Variants in MAN1A2 observed in about 807,000 individuals in gnomAD.
MAN1A2 encodes the protein mannosidase alpha class 1A member 2, also known as mannosyl-oligosaccharide 1,2-alpha-mannosidase IB.
A neutral mutation model predicts 75.7 loss-of-function variants in MAN1A2; 26 were observed. That is an observed-to-expected ratio of 0.34 (90% CI 0.25 to 0.48). The LOEUF is 0.48. MAN1A2 is among the 20% of genes least tolerant of loss of function. The probability of loss-of-function intolerance (pLI) is 0.99; values close to 1 mark genes in which losing one functional copy is unlikely to be tolerated. For missense variants in MAN1A2, 562 were observed against 775.5 expected, an observed-to-expected ratio of 0.72 and a Z score of 3.27; for synonymous variants, 247 against 264.6, an observed-to-expected ratio of 0.93 and a Z score of 0.65.
intron 5 of MAN1A2, among the ~76,000 whole-genome samples, chr1:117,432,633 C>CA (rs1254300728): frequency 1.3e-5 from 2 of 152,020 alleles, no homozygotes; most frequent in African/African-American, 4.8e-5. Context: ...AGCTATTTCA[C>CA]AAAATTAACT....
At chr1:117,487,402 G>T (rs758703974) in intron 8 of MAN1A2, among the ~76,000 whole-genome samples, 2 of 151,976 alleles carry the variant, frequency 1.3e-5, no homozygotes, top group Non-Finnish European at 2.9e-5. Context: ...TAACATGGTT[G>T]ATAGGCTAGG....
chr1:117,386,810 T>C (rs531650640), intron 1 of MAN1A2, among the ~76,000 whole-genome samples: 31 of 80,796 alleles, frequency 3.8e-4, no homozygotes, highest in African/African-American at 1.7e-3. Flanking sequence ...CACACACCTA[T>C]ATTTCCACGT....
intron 3 of MAN1A2, among the ~76,000 whole-genome samples, chr1:117,409,587 G>C (rs1647741028): frequency 6.6e-6 from 1 of 152,036 alleles, no homozygotes; most frequent in Admixed American, 6.6e-5. Context: ...GATCCCATTG[G>C]TTAATGGGGT....
In MAN1A2 at chr1:117,526,880, C is replaced by CTCTCTCTCTCTCTCTATATATA; in HGVS notation, c.*3924_*3925insCTCTCTCTCTCTCTATATATAT. ...TCTCTCTCTCTCTCTCTCTCTCTCT[C>CTCTCTCTCTCTCTCTATATATA]TATATATATATATATATATATATAT... is the stretch of plus-strand genomic sequence containing the variant. On this transcript the variant is annotated 3_prime_UTR_variant, in exon 13 of 13. Coordinates refer to ENST00000356554, the MANE Select transcript of MAN1A2 (RefSeq NM_006699.5). The CTCTCTCTCTCTCTCTATATATA allele has an allele frequency of 2.0e-4, 11 of 54,510 alleles. No homozygotes were observed. The highest frequency in any genetic ancestry group is 4.8e-4 in the Admixed American group (2 of 4,176). 3.4% of individuals were successfully genotyped at this position (54,510 alleles called of 1,614,324 possible).
At chr1:117,438,155 G>A (rs1648905977) in intron 5 of MAN1A2, among the ~76,000 whole-genome samples, 1 of 152,160 alleles carries the variant, frequency 6.6e-6, no homozygotes, top group Admixed American at 6.6e-5. Flanking sequence ...AATTATAATG[G>A]AGCTGCAAAA....
In MAN1A2 at chr1:117,442,263, G is replaced by A; in HGVS notation, c.888G>A (p.Glu296=). Residue 296 remains glutamate (E), a synonymous_variant, in exon 6 of 13, where the codon GAG becomes GAA. Coordinates refer to ENST00000356554, the MANE Select transcript of MAN1A2 (RefSeq NM_006699.5). ...AGATTAAAGCAGTGCAATTGGCTGA[G>A]AAACTCCTTCCTGCCTTTAACACAC... is the stretch of plus-strand genomic sequence containing the variant. The part of the protein sequence containing the change: ...IFKIKAVQLA[E]KLLPAFNTPT... 6.2e-7 allele frequency: 1 copy of A among 1,612,150 alleles called. No homozygotes were observed.
At chr1:117,430,962 C>T (rs1382334350) in intron 5 of MAN1A2, among the ~76,000 whole-genome samples, 3 of 136,218 alleles carry the variant, frequency 2.2e-5, no homozygotes, top group African/African-American at 8.3e-5. Context: ...AATCCCGGCA[C>T]CTCGGGAGGC....
chr1:117,484,938 C>T (rs776659457), intron 8 of MAN1A2, among the ~76,000 whole-genome samples: 8 of 151,838 alleles, frequency 5.3e-5, no homozygotes, highest in Non-Finnish European at 2.9e-5. Flanking sequence ...CACATTGTTG[C>T]AAATCTTAAA....
intron 5 of MAN1A2, among the ~76,000 whole-genome samples, chr1:117,441,426 T>C (rs1349455805): frequency 6.6e-6 from 1 of 152,108 alleles, no homozygotes; most frequent in Non-Finnish European, 1.5e-5. Context: ...TGGAGACCAT[T>C]TGAGAGGGGA....
At chr1:117,493,120 A>T in intron 8 of MAN1A2, 27 bp from the exon 9 acceptor site, 1 of 1,273,912 alleles carries the variant, frequency 7.8e-7, no homozygotes, top group Non-Finnish European at 1.1e-6. Context: ...CTTTACCTCT[A>T]TCCTTCTGTT....
chr1:117,474,005 T>G (rs1255133177), intron 8 of MAN1A2, among the ~76,000 whole-genome samples: 1 of 151,956 alleles, frequency 6.6e-6, no homozygotes, highest in Non-Finnish European at 1.5e-5. Context: ...CTCATGTTGA[T>G]GGTGAAAACG....
chr1:117,370,940 T>C (rs1652941538), intron 1 of MAN1A2, among the ~76,000 whole-genome samples: 1 of 152,220 alleles, frequency 6.6e-6, no homozygotes, highest in African/African-American at 2.4e-5. Context: ...AGTCAGACTG[T>C]ATAGATTCAT....
chr1:117,432,874 A>G (rs924000558), intron 5 of MAN1A2, among the ~76,000 whole-genome samples: 1 of 148,966 alleles, frequency 6.7e-6, no homozygotes, highest in Non-Finnish European at 1.5e-5. Flanking sequence ...GCTAGCAATA[A>G]TATAAAAGAT....
chr1:117,460,670 CAA>C (rs542743412), intron 7 of MAN1A2, 58 bp downstream of exon 7: 1,368 of 1,501,138 alleles, frequency 9.1e-4, no homozygotes, highest in Non-Finnish European at 1.2e-3. Context: ...AAGATTGGCC[CAA>C]AGATTTGATT....
intron 1 of MAN1A2, among the ~76,000 whole-genome samples, chr1:117,375,386 A>G (rs1038894906): frequency 1.3e-5 from 2 of 152,292 alleles, no homozygotes; most frequent in South Asian, 2.1e-4. Context: ...TGTTCTCCAT[A>G]TCTTAAGAAC....
chr1:117,453,645 T>A (rs543222729), intron 6 of MAN1A2, among the ~76,000 whole-genome samples: 1 of 152,320 alleles, frequency 6.6e-6, no homozygotes, highest in Admixed American at 6.5e-5. Context: ...TGAGATGGAA[T>A]CTATTCCTGG....
chr1:117,369,815 G>GT (rs1310805160), intron 1 of MAN1A2, among the ~76,000 whole-genome samples: 21 of 152,168 alleles, frequency 1.4e-4, no homozygotes, highest in Non-Finnish European at 2.9e-4. Flanking sequence ...AACGGTGAAA[G>GT]TAGTTTTCCT....
In MAN1A2 at chr1:117,461,692, T is replaced by C. The variant is rs115751828; in HGVS notation, c.1074+1080T>C. Among the ~76,000 whole-genome samples the C allele has an allele frequency of 7.4e-3, 1,119 of 152,114 alleles. 18 individuals carry two copies. The highest frequency in any genetic ancestry group is 0.026 in the African/African-American group (1,071 of 41,528). On this transcript the variant is annotated intron_variant, in intron 7 of 12. Coordinates refer to ENST00000356554, the MANE Select transcript of MAN1A2 (RefSeq NM_006699.5). ...TCCATAAAAATTAAAAATAAAAATT[T>C]AAAAATACAAAACTTTATTAAATGA... is the stretch of plus-strand genomic sequence containing the variant.
At chr1:117,379,722 A>G (rs1486665920) in intron 1 of MAN1A2, among the ~76,000 whole-genome samples, 1 of 152,188 alleles carries the variant, frequency 6.6e-6, no homozygotes, top group Non-Finnish European at 1.5e-5. Flanking sequence ...CATAAATAGT[A>G]TCATGCAATC....
Sources: allele counts gnomAD v4.1 joint callset (sites outside exome capture counted in the v4.1 genomes callset), GRCh38; gene constraint gnomAD v4.1.1; transcripts MANE v1.5; gene names NCBI Gene and HGNC (gene_info 2026-07-23, HGNC 2026-07-21).